CLYBL: variants seen among roughly 807,000 people sequenced by gnomAD.
The protein encoded by CLYBL is citramalyl-CoA lyase, mitochondrial.
A neutral mutation model predicts 38.9 loss-of-function variants in CLYBL; 31 were observed. The ratio of observed to expected loss-of-function variants is 0.80; its 90% CI spans 0.60 to 1.08. The LOEUF is 1.08. CLYBL is among the 50% of genes least tolerant of loss of function. The pLI is 0.00. For missense variants in CLYBL, 434 were observed against 411.6 expected, an observed-to-expected ratio of 1.05 and a Z score of -0.47; for synonymous variants, 171 against 158.6, an observed-to-expected ratio of 1.08 and a Z score of -0.59.
intron 2 of CLYBL, among the ~76,000 whole-genome samples, chr13:99,791,893 A>C (rs1016828392): frequency 3.3e-5 from 5 of 151,942 alleles, no homozygotes; most frequent in African/African-American, 1.2e-4. Flanking sequence ...TGGGACAGAT[A>C]GGTTTTCTCT....
At chr13:99,611,581 C>T (rs971547999) in intron 1 of CLYBL, among the ~76,000 whole-genome samples, 5 of 152,154 alleles carry the variant, frequency 3.3e-5, no homozygotes, top group African/African-American at 1.2e-4. Flanking sequence ...AAGGAATAAT[C>T]GCCTATAGTT....
chr13:99,734,650 T>C (rs2048639116), intron 1 of CLYBL, among the ~76,000 whole-genome samples: 1 of 152,204 alleles, frequency 6.6e-6, no homozygotes, highest in African/African-American at 2.4e-5. Flanking sequence ...TCAGGACCTA[T>C]ACATTTATTT....
chr13:99,684,804 A>C (rs1204601667), intron 1 of CLYBL, among the ~76,000 whole-genome samples: 1 of 152,238 alleles, frequency 6.6e-6, no homozygotes, highest in Non-Finnish European at 1.5e-5. Context: ...AGACTGAACC[A>C]TGGGTTGGAG....
At chr13:99,753,863 C>T (rs914505192) in intron 1 of CLYBL, among the ~76,000 whole-genome samples, 2 of 151,642 alleles carry the variant, frequency 1.3e-5, no homozygotes, top group Non-Finnish European at 2.9e-5. Context: ...CCGAGACGGG[C>T]GGATCACCTG....
At chr13:99,795,558 A>G (rs1234452248) in intron 2 of CLYBL, among the ~76,000 whole-genome samples, 1 of 152,048 alleles carries the variant, frequency 6.6e-6, no homozygotes, top group East Asian at 1.9e-4. Flanking sequence ...GGAGTCTGAG[A>G]TGGGAAGATT....
At chr13:99,842,725 C>A (rs933400918) in intron 2 of CLYBL, among the ~76,000 whole-genome samples, 1 of 144,248 alleles carries the variant, frequency 6.9e-6, no homozygotes, top group Non-Finnish European at 1.5e-5. Flanking sequence ...AAAAAAAAAG[C>A]AATTTTAGTT....
chr13:99,648,153 G>T (rs1302096174), intron 1 of CLYBL, among the ~76,000 whole-genome samples: 1 of 152,088 alleles, frequency 6.6e-6, no homozygotes, highest in Non-Finnish European at 1.5e-5. Flanking sequence ...TGTTCGGGGG[G>T]GAAAAATCCT....
rs758152904 is a variant in CLYBL, at chr13:99,858,874, T to G, written c.263T>G (p.Leu88Arg). The change falls in exon 3 of 9, where the codon CTG becomes CGG. Residue 88 changes from leucine (L) to arginine (R), a missense_variant. By Grantham distance (102) the Leu-to-Arg change is moderately radical (BLOSUM62 -2). Transcript: ENST00000339105. ...TGACACTTACAGAATGAAGCTCGACTGAGAATTGTAAAAACTCTTGAAGAC... is the reference window on the plus strand; with the variant it reads ...TGACACTTACAGAATGAAGCTCGACGGAGAATTGTAAAAACTCTTGAAGAC... Reference protein sequence around the residue: ...VAANKKNEARLRIVKTLEDID... With the variant: ...VAANKKNEARRRIVKTLEDID... 3 of 1,603,632 alleles carry G rather than the reference T, an allele frequency of 1.9e-6. No individual in the cohort carries two copies. Among genetic ancestry groups the G allele is most frequent in the Admixed American group, 3.5e-5 (2 of 57,334 alleles).
At chr13:99,826,745 C>G (rs2050702944) in intron 2 of CLYBL, among the ~76,000 whole-genome samples, 1 of 152,210 alleles carries the variant, frequency 6.6e-6, no homozygotes, top group African/African-American at 2.4e-5. Flanking sequence ...TTCAAATCAT[C>G]TGCATTCTAA....
chr13:99,669,149 G>A lies in CLYBL; in HGVS notation c.62+62392G>A, dbSNP rs145748013. The stretch of plus-strand genomic sequence containing the variant: ...CCCAAGTAGCTGGAACTACAGGCAT[G>A]TGCCACCATGCCCAGCTAATTTTTT... On this transcript the variant is annotated intron_variant, in intron 1 of 8. Transcript: ENST00000339105. 6.4e-4 allele frequency among the ~76,000 whole-genome samples: 98 copies of A among 152,138 alleles called. 1 individual carries two copies. The East Asian group carries it at 0.017, about 26-fold the overall frequency.
intron 2 of CLYBL, among the ~76,000 whole-genome samples, chr13:99,801,737 C>T (rs953186381): frequency 6.6e-6 from 1 of 152,174 alleles, no homozygotes; most frequent in Non-Finnish European, 1.5e-5. Flanking sequence ...GAAAACACGG[C>T]CGGGTGCAGT....
At chr13:99,758,660 C>A (rs527330073) in intron 1 of CLYBL, among the ~76,000 whole-genome samples, 1 of 152,200 alleles carries the variant, frequency 6.6e-6, no homozygotes, top group Non-Finnish European at 1.5e-5. Context: ...CGGTGACTGC[C>A]GTGACTGGGC....
chr13:99,840,162 G>A (rs1218118524), intron 2 of CLYBL, among the ~76,000 whole-genome samples: 2 of 151,344 alleles, frequency 1.3e-5, no homozygotes, highest in Non-Finnish European at 2.9e-5. Context: ...ACAACCCTGC[G>A]ATGGTCAGAG....
downstream of CLYBL, among the ~76,000 whole-genome samples, chr13:99,900,901 C>T (rs2052634502): frequency 6.6e-6 from 1 of 152,218 alleles, no homozygotes; most frequent in Non-Finnish European, 1.5e-5. Flanking sequence ...ATCAAAAACA[C>T]AGCCAGGAAG....
chr13:99,899,969 C>A (rs1042470362), downstream of CLYBL, among the ~76,000 whole-genome samples: 2 of 152,086 alleles, frequency 1.3e-5, no homozygotes, highest in African/African-American at 4.8e-5. Context: ...CTCCTTCACC[C>A]ATGCTGGAGT....
chr13:99,685,468 A>G (rs2047802922), intron 1 of CLYBL, among the ~76,000 whole-genome samples: 1 of 152,220 alleles, frequency 6.6e-6, no homozygotes, highest in African/African-American at 2.4e-5. Context: ...TCGAACTTAA[A>G]AAAATGAACT....
At chr13:99,882,463 T>A (rs984059277) in intron 7 of CLYBL, among the ~76,000 whole-genome samples, 1 of 152,132 alleles carries the variant, frequency 6.6e-6, no homozygotes, top group Admixed American at 6.5e-5. Context: ...AAGACCAATC[T>A]GGACAACAGG....
chr13:99,618,312 C>G (rs1184849047), intron 1 of CLYBL, among the ~76,000 whole-genome samples: 1 of 151,902 alleles, frequency 6.6e-6, no homozygotes. Context: ...AGCTCTGCCC[C>G]CAGGCTGGAG....
At chr13:99,714,790 A>G (rs993869620) in intron 1 of CLYBL, among the ~76,000 whole-genome samples, 1 of 151,934 alleles carries the variant, frequency 6.6e-6, no homozygotes, top group Admixed American at 6.6e-5. Flanking sequence ...TCTACTAAAA[A>G]CACAAAAAAT....
Sources: allele counts gnomAD v4.1 joint callset (sites outside exome capture counted in the v4.1 genomes callset), GRCh38; gene constraint gnomAD v4.1.1; transcripts MANE v1.5; gene names NCBI Gene and HGNC (gene_info 2026-07-23, HGNC 2026-07-21).